Variants in UBR2 observed in about 807,000 individuals in gnomAD.
UBR2 encodes ubiquitin protein ligase E3 component n-recognin 2, also known as E3 ubiquitin-protein ligase UBR2.
UBR2 carries 92 observed loss-of-function variants against 247.9 expected under a neutral mutation model. The ratio of observed to expected loss-of-function variants is 0.37; its 90% confidence interval spans 0.31 to 0.44. The LOEUF (loss-of-function observed/expected upper bound fraction) is 0.44. Among genes scored for constraint, UBR2 ranks in the 20% least tolerant of loss-of-function variants. The pLI is 1.00. For missense variants in UBR2, 1,613 were observed against 2,112.6 expected, an observed-to-expected ratio of 0.76 and a Z score of 4.64; for synonymous variants, 672 against 693.5, an observed-to-expected ratio of 0.97 and a Z score of 0.49.
intron 22 of UBR2, among the ~76,000 whole-genome samples, chr6:42,649,663 A>G (rs1352739188): frequency 2.0e-5 from 3 of 151,996 alleles, no homozygotes; most frequent in African/African-American, 7.3e-5. Flanking sequence ...GCTTCTTTTC[A>G]TGTGTTTATT....
At chr6:42,568,963 C>T (rs143009978) in intron 1 of UBR2, among the ~76,000 whole-genome samples, 23 of 152,220 alleles carry the variant, frequency 1.5e-4, no homozygotes, top group African/African-American at 4.6e-4. Context: ...TTGGATTTCA[C>T]GTTTTCAAAT....
chr6:42,666,235 T>G lies in UBR2; in HGVS notation c.3871T>G (p.Phe1291Val). 1 of 1,610,488 alleles carries G rather than the reference T, an allele frequency of 6.2e-7. No individual in the cohort carries two copies. The highest frequency in any genetic ancestry group is 8.5e-7 in the Non-Finnish European group (1 of 1,178,650). The change falls in exon 34 of 47, where the codon TTT becomes GTT. Residue 1291 changes from phenylalanine to valine, a missense_variant. This residue lies in a region of UBR2 where 1,524 missense variants were observed against 1,967.3 expected (regional missense o/e 0.77). Coordinates refer to ENST00000372901, the MANE Select transcript of UBR2 (RefSeq NM_001363705.2). ...GCTCCCTGAAGGGTTCAGGCCTGAT[T>G]TTCGTCCTAAGTGAGTATATTATTT... The part of the protein sequence containing the change: ...LQLPEGFRPD[F>V]RPKIPYSESI...
At chr6:42,574,102 TA>T in intron 2 of UBR2, 109 bp downstream of exon 2, 1 of 1,066,166 alleles carries the variant, frequency 9.4e-7, no homozygotes, top group Middle Eastern at 2.7e-4. Context: ...CATATCTGCT[TA>T]AAAATCTGTA....
intron 11 of UBR2, among the ~76,000 whole-genome samples, chr6:42,624,921 C>T (rs1795237897): frequency 6.6e-6 from 1 of 152,130 alleles, no homozygotes; most frequent in Non-Finnish European, 1.5e-5. Flanking sequence ...TCATCTTAAC[C>T]TTGTGGACTT....
intron 7 of UBR2, among the ~76,000 whole-genome samples, chr6:42,610,871 G>A (rs1252308160): frequency 1.3e-5 from 2 of 150,182 alleles, no homozygotes; most frequent in Admixed American, 1.3e-4. Flanking sequence ...TTGAGACGGA[G>A]TTTTGCTCTT....
intron 18 of UBR2, among the ~76,000 whole-genome samples, chr6:42,643,064 T>C (rs1200505058): frequency 6.6e-6 from 1 of 152,158 alleles, no homozygotes; most frequent in African/African-American, 2.4e-5. Flanking sequence ...AAGCCTTCCC[T>C]GACACACTAA....
chr6:42,635,558 C>T lies in UBR2; in HGVS notation c.1674+12C>T. On this transcript the variant is annotated intron_variant, in intron 14 of 46. Transcript: ENST00000372901. ...GGTGTGCTTCAGATGTGAGTTTCTT[C>T]TGGGTGCGGGGAATAGGAGGAAAGT... The T allele has an allele frequency of 6.2e-7, 1 of 1,600,626 alleles. No individual in the cohort carries two copies. Among genetic ancestry groups the T allele is most frequent in the Non-Finnish European group, 8.6e-7 (1 of 1,169,490 alleles).
chr6:42,615,329 T>A, intron 9 of UBR2, 151 bp downstream of exon 9: 1 of 492,336 alleles, frequency 2.0e-6, no homozygotes. Flanking sequence ...AATATAGATT[T>A]GGTGGGGTGG....
chr6:42,667,587 C>CTTT (rs1161068427), intron 34 of UBR2, among the ~76,000 whole-genome samples: 1,165 of 47,454 alleles, frequency 0.025, 31 homozygotes, highest in Non-Finnish European at 0.026. Flanking sequence ...ACAGTTTTGT[C>CTTT]TTTTTTTTTT....
At chr6:42,599,644 G>A (rs1793231869) in intron 4 of UBR2, among the ~76,000 whole-genome samples, 1 of 150,234 alleles carries the variant, frequency 6.7e-6, no homozygotes. Flanking sequence ...TTATGCTTTT[G>A]TTTTTGTTTT....
At chr6:42,566,606 T>TC (rs1790792380) in intron 1 of UBR2, among the ~76,000 whole-genome samples, 1 of 152,240 alleles carries the variant, frequency 6.6e-6, no homozygotes, top group African/African-American at 2.4e-5. Flanking sequence ...CAGGATGGTC[T>TC]CGAACTCCTG....
At chr6:42,669,115 G>A (rs1381004936) in intron 34 of UBR2, among the ~76,000 whole-genome samples, 4 of 151,802 alleles carry the variant, frequency 2.6e-5, no homozygotes, top group Non-Finnish European at 4.4e-5. Context: ...AGTGGAGACA[G>A]GGTTTTACCA....
chr6:42,653,606 C>CTTTTTTTTT (rs72460060), intron 25 of UBR2, among the ~76,000 whole-genome samples: 4 of 50,618 alleles, frequency 7.9e-5, no homozygotes, highest in African/African-American at 3.6e-4. Flanking sequence ...ATGCTAAGCC[C>CTTTTTTTTT]TTTTTTTTTT....
At position 42,689,803 on chromosome 6, in the gene UBR2, G is replaced by A. The variant is rs1799651038; in HGVS notation, c.5126+133G>A. 1.3e-6 allele frequency: 1 copy of A among 783,434 alleles called. No individual in the cohort carries two copies. Among genetic ancestry groups the A allele is most frequent in the Admixed American group, 2.2e-5 (1 of 45,900 alleles). 48.5% of individuals were successfully genotyped at this position (783,434 alleles called of 1,614,324 possible). A position where few individuals can be genotyped will look rare whatever the true frequency, so the allele number is the denominator to read the frequency against. Reference sequence around the variant, plus strand: ...TTATCTGTGGAGTCTTCCAAGGAGGGTGCCCTGTCAGCCTGGTTTGGTGTT... The same window carrying A: ...TTATCTGTGGAGTCTTCCAAGGAGGATGCCCTGTCAGCCTGGTTTGGTGTT... On this transcript the variant is annotated intron_variant, in intron 46 of 46. Transcript: ENST00000372901. This position sits in a 1 kb window ranked among gnomAD's most constrained non-coding sequence, Gnocchi z 4.0.
intron 2 of UBR2, among the ~76,000 whole-genome samples, chr6:42,586,976 C>G (rs779420794): frequency 6.6e-6 from 1 of 151,582 alleles, no homozygotes; most frequent in South Asian, 2.1e-4. Flanking sequence ...ACCGCCACCA[C>G]GCCTGGCTAA....
rs140693966 is a variant in UBR2, at chr6:42,648,673, C to T, written c.2462+503C>T. 2.9e-3 allele frequency among the ~76,000 whole-genome samples: 436 copies of T among 151,920 alleles called. 5 individuals are homozygous for T. Among genetic ancestry groups the T allele is most frequent in the Admixed American group, 0.015 (230 of 15,260 alleles). On this transcript the variant is annotated intron_variant, in intron 22 of 46. Coordinates refer to ENST00000372901, the MANE Select transcript of UBR2 (RefSeq NM_001363705.2). ...TGACAATGTATTCATTTTTTTTAAC[C>T]CACTATAAATTTTTGAAGATAGTGT... is the stretch of plus-strand genomic sequence containing the variant.
intron 30 of UBR2, among the ~76,000 whole-genome samples, chr6:42,661,980 T>A (rs1000827420): frequency 2.0e-5 from 3 of 152,220 alleles, no homozygotes; most frequent in Non-Finnish European, 4.4e-5. Flanking sequence ...TTTAATTAAT[T>A]TGCTGTGGGT....
At chr6:42,591,990 T>G (rs1192708666) in intron 2 of UBR2, among the ~76,000 whole-genome samples, 161 bp from the exon 3 acceptor site, 1 of 152,220 alleles carries the variant, frequency 6.6e-6, no homozygotes, top group Non-Finnish European at 1.5e-5. Flanking sequence ...CTTTCATTGA[T>G]CAAAGATCTG....
chr6:42,625,322 AT>A (rs1323378072), intron 11 of UBR2, among the ~76,000 whole-genome samples: 1 of 152,144 alleles, frequency 6.6e-6, no homozygotes, highest in East Asian at 1.9e-4. Context: ...AATTACATTG[AT>A]TTAAATGACA....
Sources: allele counts gnomAD v4.1 joint callset (sites outside exome capture counted in the v4.1 genomes callset), GRCh38; gene constraint gnomAD v4.1.1; regional missense constraint gnomAD v4.1.1; non-coding constraint Gnocchi (gnomAD v3.1); transcripts MANE v1.5; gene names NCBI Gene and HGNC (gene_info 2026-07-23, HGNC 2026-07-21).